The following DACH2 variants were observed in gnomAD, a reference collection of about 807,000 sequenced individuals.
DACH2 encodes dachshund family transcription factor 2.
Under a neutral mutation model 35.8 loss-of-function variants are expected in DACH2, and 17 were observed. The ratio of observed to expected loss-of-function variants is 0.48; its 90% CI spans 0.33 to 0.71. DACH2 has a LOEUF of 0.71. Among genes scored for constraint, DACH2 ranks in the 30% least tolerant of loss-of-function variants. The pLI, the probability that DACH2 is intolerant of heterozygous loss-of-function variation, is 0.02. For missense variants in DACH2, 469 were observed against 472.7 expected, an observed-to-expected ratio of 0.99 and a Z score of 0.07; for synonymous variants, 195 against 177.3, an observed-to-expected ratio of 1.10 and a Z score of -0.79.
intron 1 of DACH2, among the ~76,000 whole-genome samples, chrX:86,183,784 G>A (rs957103645): frequency 3.6e-5 from 4 of 111,516 alleles, no homozygotes; most frequent in Admixed American, 9.6e-5. Flanking sequence ...GGTATAATTC[G>A]GGTGTGAATC....
chrX:86,148,690 C>T lies in DACH2; in HGVS notation c.70C>T (p.Arg24Trp), dbSNP rs771672418. The change falls in exon 1 of 12, where the codon CGG becomes TGG. Residue 24 changes from arginine (R) to tryptophan (W), a missense_variant. Physicochemically the swap from Arg to Trp is moderately radical, Grantham distance 101 (BLOSUM62 -3). Around this residue, in one of 3 missense-constraint regions of DACH2, gnomAD observed 99 missense variants for 114.3 expected, o/e 0.87. Transcript: ENST00000373125. ...SGAGVPGGLF[R>W]AEPLYSTPRE... ...CGCCGGCGTCCCGGGGGGCTTATTCCGGGCCGAACCCCTGTACTCGACTCC... is the reference window on the plus strand; with the variant it reads ...CGCCGGCGTCCCGGGGGGCTTATTCTGGGCCGAACCCCTGTACTCGACTCC... 7 of 1,208,059 alleles carry T rather than the reference C, an allele frequency of 5.8e-6. No individual in the cohort carries two copies. Among genetic ancestry groups the T allele is most frequent in the Non-Finnish European group, 7.8e-6 (7 of 893,742 alleles).
chrX:86,543,125 G>A (rs765701347), intron 3 of DACH2, among the ~76,000 whole-genome samples: 2 of 111,293 alleles, frequency 1.8e-5, no homozygotes, highest in Non-Finnish European at 3.8e-5. Context: ...CAGACAGAAG[G>A]CATTGAGAGT....
chrX:86,486,551 A>G (rs1334844346), intron 2 of DACH2, among the ~76,000 whole-genome samples: 1 of 110,946 alleles, frequency 9.0e-6, no homozygotes, highest in African/African-American at 3.3e-5. Context: ...GCCATGCACA[A>G]TTCTCCTCTT....
chrX:86,620,701 A>C (rs781434163), intron 3 of DACH2, among the ~76,000 whole-genome samples: 3 of 110,137 alleles, frequency 2.7e-5, no homozygotes, highest in Non-Finnish European at 3.8e-5. Context: ...TGTGATTGAG[A>C]GACTGTGGAA....
intron 3 of DACH2, among the ~76,000 whole-genome samples, chrX:86,587,102 G>A (rs955029061): frequency 9.0e-6 from 1 of 111,420 alleles, no homozygotes; most frequent in Non-Finnish European, 1.9e-5. Flanking sequence ...GCAGTGTTTT[G>A]TAATTCTCAT....
intron 3 of DACH2, among the ~76,000 whole-genome samples, chrX:86,536,804 A>C (rs186491032): frequency 8.9e-6 from 1 of 112,168 alleles, no homozygotes; most frequent in East Asian, 2.8e-4. Context: ...CCTTGGGTGC[A>C]TGTTCTCAGG....
At chrX:86,196,810 G>A (rs2032002897) in intron 1 of DACH2, among the ~76,000 whole-genome samples, 1 of 108,632 alleles carries the variant, frequency 9.2e-6, no homozygotes, top group Admixed American at 9.9e-5. Context: ...GAGATGGGGA[G>A]AGTACAACCA....
chrX:86,362,002 T>G (rs1346551785), intron 1 of DACH2, among the ~76,000 whole-genome samples: 1 of 111,331 alleles, frequency 9.0e-6, no homozygotes, highest in Non-Finnish European at 1.9e-5. Context: ...TAGTAAAATT[T>G]CATCTATATT....
At chrX:86,613,855 A>G (rs2039974345) in intron 3 of DACH2, among the ~76,000 whole-genome samples, 1 of 111,823 alleles carries the variant, frequency 8.9e-6, no homozygotes, top group Non-Finnish European at 1.9e-5. Context: ...CTACTTTCAT[A>G]CTTAAGATCT....
chrX:86,184,585 C>T (rs1487100197), intron 1 of DACH2, among the ~76,000 whole-genome samples: 2 of 111,794 alleles, frequency 1.8e-5, no homozygotes, highest in Non-Finnish European at 3.8e-5. Context: ...AAGTTTTCCA[C>T]AACATGTCAT....
Position 86,813,221 on chromosome X carries a change from A to G in DACH2, c.1481A>G (p.Glu494Gly). ...KKELRLELYR[E>G]REIRENLERQ... ...GAGCTGCGACTGGAGCTCTATAGAG[A>G]GAGAGAAATTAGAGAAAACCTTGAA... is the stretch of plus-strand genomic sequence containing the variant. Residue 494 changes from glutamate (E) to glycine (G), a missense_variant, in exon 9 of 12, where the codon GAG becomes GGG. Around this residue, in one of 3 missense-constraint regions of DACH2, gnomAD observed 363 missense variants for 334.4 expected, o/e 1.09. Transcript: ENST00000373125. 8.3e-7 allele frequency: 1 copy of G among 1,204,043 alleles called. No homozygotes were observed. The highest frequency in any genetic ancestry group is 1.1e-6 in the Non-Finnish European group (1 of 892,789).
intron 11 of DACH2, among the ~76,000 whole-genome samples, chrX:86,826,219 T>C (rs899173225): frequency 1.8e-5 from 2 of 111,169 alleles, no homozygotes; most frequent in African/African-American, 6.5e-5. Flanking sequence ...TTAGGGTATG[T>C]TTTCTAAGAA....
intron 2 of DACH2, among the ~76,000 whole-genome samples, chrX:86,434,482 C>A (rs966344112): frequency 8.9e-6 from 1 of 111,875 alleles, no homozygotes; most frequent in African/African-American, 3.2e-5. Flanking sequence ...GCTCATTTCT[C>A]TTATCATGGT....
At chrX:86,422,363 G>T (rs1431549555) in intron 2 of DACH2, among the ~76,000 whole-genome samples, 2 of 110,672 alleles carry the variant, frequency 1.8e-5, no homozygotes, top group Non-Finnish European at 3.8e-5. Flanking sequence ...TTTGTCTATA[G>T]TTTTCCTTCC....
chrX:86,591,633 G>C (rs2039647826), intron 3 of DACH2, among the ~76,000 whole-genome samples: 1 of 107,413 alleles, frequency 9.3e-6, no homozygotes, highest in African/African-American at 3.5e-5. Context: ...CGCCTCCTGG[G>C]TTCAAGCAAT....
chrX:86,478,547 T>TC (rs1036606771), intron 2 of DACH2, among the ~76,000 whole-genome samples: 1 of 107,198 alleles, frequency 9.3e-6, no homozygotes, highest in Non-Finnish European at 1.9e-5. Flanking sequence ...TTTTTCTTTT[T>TC]TTTTTTTTTT....
At chrX:86,324,741 C>A (rs1325942449) in intron 1 of DACH2, among the ~76,000 whole-genome samples, 6 of 108,043 alleles carry the variant, frequency 5.6e-5, no homozygotes, top group African/African-American at 2.0e-4. Context: ...CCTTGCCTGG[C>A]TAATTTTTTG....
intron 1 of DACH2, among the ~76,000 whole-genome samples, chrX:86,224,575 G>GT (rs201728115): frequency 0.059 from 6,273 of 105,432 alleles, 457 homozygotes; most frequent in African/African-American, 0.21. Flanking sequence ...GCACATGACA[G>GT]TTTTTTTTTT....
At chrX:86,323,797 G>A (rs1175613469) in intron 1 of DACH2, among the ~76,000 whole-genome samples, 3 of 111,688 alleles carry the variant, frequency 2.7e-5, no homozygotes, top group African/African-American at 6.5e-5. Context: ...CTAGCACCCC[G>A]AGGGTACTGG....
Sources: allele counts gnomAD v4.1 joint callset (sites outside exome capture counted in the v4.1 genomes callset), GRCh38; gene constraint gnomAD v4.1.1; regional missense constraint gnomAD v4.1.1; transcripts MANE v1.5; gene names NCBI Gene and HGNC (gene_info 2026-07-23, HGNC 2026-07-21).